ADD1: variants seen among roughly 807,000 people sequenced by gnomAD.
ADD1 encodes the protein adducin 1.
In ADD1, 24 loss-of-function variants were observed where a neutral mutation model predicts 80.5. That is an observed-to-expected ratio of 0.30 (90% CI 0.22 to 0.42). The LOEUF (loss-of-function observed/expected upper bound fraction) is 0.42. Among genes scored for constraint, ADD1 ranks in the 10% least tolerant of loss-of-function variants. ADD1 has a pLI of 1.00. For missense variants in ADD1, 948 were observed against 1,019.0 expected (o/e 0.93, Z 0.95); for synonymous variants, 373 against 393.8 (o/e 0.95, Z 0.63).
intron 1 of ADD1, among the ~76,000 whole-genome samples, chr4:2,871,513 T>C (rs918948418): frequency 1.3e-5 from 2 of 152,174 alleles, no homozygotes; most frequent in Admixed American, 6.5e-5. Context: ...GTAGTATCAG[T>C]CTGAAAAAGC....
chr4:2,856,731 C>T (rs1023690835), intron 1 of ADD1, among the ~76,000 whole-genome samples: 2 of 149,562 alleles, frequency 1.3e-5, no homozygotes, highest in Non-Finnish European at 3.0e-5. Flanking sequence ...GCTGGGACTA[C>T]AGGCGTGCAC....
At position 2,875,974 on chromosome 4, in the gene ADD1, A is replaced by T. The variant is rs1463303135; in HGVS notation, c.59A>T (p.His20Leu). Residue 20 changes from histidine (H) to leucine (L), a missense_variant, in exon 2 of 16, where the codon CAC (histidine) becomes CTC (leucine). Coordinates refer to ENST00000683351, the MANE Select transcript of ADD1 (RefSeq NM_001354761.2). Reference protein sequence around the residue: ...VTSPPPTTAPHKERYFDRVDE... With the variant: ...VTSPPPTTAPLKERYFDRVDE... ...TCACCACCCCCGACCACAGCCCCTC[A>T]CAAGGAGAGGTACTTCGACCGAGTA... The T allele has an allele frequency of 6.2e-7, 1 of 1,614,032 alleles. No individual in the cohort carries two copies. The highest frequency in any genetic ancestry group is 8.5e-7 in the Non-Finnish European group (1 of 1,179,944).
intron 2 of ADD1, among the ~76,000 whole-genome samples, chr4:2,878,672 C>G (rs1731746311): frequency 6.6e-6 from 1 of 152,088 alleles, no homozygotes; most frequent in Non-Finnish European, 1.5e-5. Context: ...TACCTGTAGT[C>G]CCAGTGCTTT....
At chr4:2,876,427 T>C (rs1480530408) in intron 2 of ADD1, 1 of 173,822 alleles carries the variant, frequency 5.8e-6, no homozygotes, top group Non-Finnish European at 1.2e-5. Context: ...TTAGGCTGGG[T>C]GCGTCGGCTC....
At position 2,892,193 on chromosome 4, in the gene ADD1, C is replaced by G. The variant is rs376132768; in HGVS notation, c.511-1820C>G. On this transcript the variant is annotated intron_variant, in intron 4 of 15. Coordinates refer to ENST00000683351, the MANE Select transcript of ADD1 (RefSeq NM_001354761.2). ...CACTACAGAAGAAATCACTATGTGG[C>G]TTAGGAAGCTGGACTAAACACCTTA... 1.1e-4 allele frequency among the ~76,000 whole-genome samples: 16 copies of G among 152,254 alleles called. No individual in the cohort carries two copies. In the South Asian group the frequency reaches 1.9e-3, roughly 18 times the overall value.
intron 4 of ADD1, among the ~76,000 whole-genome samples, chr4:2,885,648 T>C (rs59786983): frequency 0.023 from 3,453 of 151,876 alleles, 77 homozygotes; most frequent in African/African-American, 0.051. Flanking sequence ...CTTGCTCTGT[T>C]GCCCAGGCTG....
intron 1 of ADD1, among the ~76,000 whole-genome samples, chr4:2,875,090 A>G (rs952317637): frequency 4.6e-5 from 7 of 152,148 alleles, no homozygotes; most frequent in Non-Finnish European, 8.8e-5. Flanking sequence ...TTCGCCGGGC[A>G]TGGCGGTGCA....
chr4:2,901,351 A>G (rs995692892), intron 9 of ADD1: 4 of 152,242 alleles, frequency 2.6e-5, no homozygotes, highest in African/African-American at 9.7e-5. Context: ...CTGTGCTGAA[A>G]GCACATCCTA....
chr4:2,854,287 G>A (rs975662721), intron 1 of ADD1, among the ~76,000 whole-genome samples: 19 of 152,168 alleles, frequency 1.2e-4, no homozygotes, highest in African/African-American at 4.6e-4. Flanking sequence ...TCATGCCACT[G>A]CATTCCAGTC....
intron 1 of ADD1, among the ~76,000 whole-genome samples, chr4:2,858,487 A>G (rs910422612): frequency 5.3e-5 from 8 of 152,250 alleles, no homozygotes; most frequent in African/African-American, 1.9e-4. Flanking sequence ...ACTATAAACC[A>G]TAGATAGGAA....
intron 13 of ADD1, among the ~76,000 whole-genome samples, chr4:2,910,807 G>A (rs563536170): frequency 1.3e-5 from 2 of 152,148 alleles, no homozygotes; most frequent in African/African-American, 2.4e-5. Flanking sequence ...TGCTCACTGC[G>A]AGTGCTGCAT....
In ADD1 at chr4:2,894,100, A is replaced by C. The variant is rs373217569; in HGVS notation, c.591+7A>C. 23 of 1,611,448 alleles carry C rather than the reference A, an allele frequency of 1.4e-5. No individual in the cohort carries two copies. In the African/African-American group the frequency reaches 2.3e-4, roughly 16 times the overall value. ...AGTGACTGCATCCAGTTTGGTAAGA[A>C]TGTCCTTCTCTTTGGCAGCTTGTAT... On this transcript the variant is annotated splice_region_variant and intron_variant, in intron 5 of 15. Coordinates refer to ENST00000683351, the MANE Select transcript of ADD1 (RefSeq NM_001354761.2).
At chr4:2,921,996 G>A (rs1049947236) in intron 14 of ADD1, among the ~76,000 whole-genome samples, 3 of 151,740 alleles carry the variant, frequency 2.0e-5, no homozygotes, top group African/African-American at 7.3e-5. Context: ...GATCATTTAT[G>A]TTCTTCTCTA....
At chr4:2,879,499 A>G (rs1408534794) in intron 2 of ADD1, among the ~76,000 whole-genome samples, 3 of 152,284 alleles carry the variant, frequency 2.0e-5, no homozygotes, top group South Asian at 4.1e-4. Context: ...AACCATTGAA[A>G]TAGATCCTTT....
At chr4:2,898,626 G>A (rs777285376) in intron 8 of ADD1, 95 bp downstream of exon 8, 9 of 1,050,812 alleles carry the variant, frequency 8.6e-6, no homozygotes, top group Non-Finnish European at 1.2e-5. Flanking sequence ...TAGGAGAGGA[G>A]TCTTTGAGCA....
chr4:2,881,802 GA>G (rs1196949626), intron 2 of ADD1, 95 bp from the exon 3 acceptor site: 2 of 1,121,678 alleles, frequency 1.8e-6, no homozygotes, highest in African/African-American at 1.6e-5. Context: ...AGCACTGGAT[GA>G]AAACAAAAAT....
rs767094265 is a variant in ADD1, at chr4:2,904,956, C to G, written c.1354C>G (p.Arg452Gly). 1 of 1,614,140 alleles carries G rather than the reference C, an allele frequency of 6.2e-7. No homozygotes were observed. The highest frequency in any genetic ancestry group is 1.7e-5 in the Admixed American group (1 of 60,020). Residue 452 changes from arginine to glycine, a missense_variant, in exon 10 of 16, where the codon CGG (arginine) becomes GGG (glycine). By Grantham distance (125) the Arg-to-Gly change is moderately radical. Coordinates refer to ENST00000683351, the MANE Select transcript of ADD1 (RefSeq NM_001354761.2). ...REKTRWLNSG[R>G]GDEASEEGQN... ...GAAGACAAGATGGCTGAACTCTGGCCGGGGCGACGAAGCTTCCGAGGAAGG... is the reference window on the plus strand; with the variant it reads ...GAAGACAAGATGGCTGAACTCTGGCGGGGGCGACGAAGCTTCCGAGGAAGG...
intron 2 of ADD1, among the ~76,000 whole-genome samples, chr4:2,880,600 C>T (rs1302817602): frequency 1.3e-5 from 2 of 150,918 alleles, no homozygotes; most frequent in African/African-American, 2.4e-5. Flanking sequence ...CTCAGCCTCC[C>T]GAGTAGCTGG....
chr4:2,852,912 C>T (rs1343734197), intron 1 of ADD1, among the ~76,000 whole-genome samples: 1 of 151,536 alleles, frequency 6.6e-6, no homozygotes, highest in African/African-American at 2.4e-5. Flanking sequence ...TGCTATGTTG[C>T]CCAGGCAGGC....
Sources: allele counts gnomAD v4.1 joint callset (sites outside exome capture counted in the v4.1 genomes callset), GRCh38; gene constraint gnomAD v4.1.1; transcripts MANE v1.5; gene names NCBI Gene and HGNC (gene_info 2026-07-23, HGNC 2026-07-21).